Variants in DLG2 observed in about 807,000 individuals in gnomAD.
The protein encoded by DLG2 is disks large homolog 2.
DLG2 carries 45 observed loss-of-function variants against 132.5 expected under a neutral mutation model. The ratio of observed to expected loss-of-function variants is 0.34; its 90% CI spans 0.27 to 0.44. DLG2 has a LOEUF of 0.44. Ranked by LOEUF, DLG2 falls within the 20% of genes least tolerant of loss-of-function variation. DLG2 has a pLI of 1.00. For synonymous variants in DLG2, 424 were observed against 419.6 expected, an observed-to-expected ratio of 1.01 and a Z score of -0.13; for missense variants, 1,045 against 1,196.9, an observed-to-expected ratio of 0.87 and a Z score of 1.87.
chr11:85,222,965 A>G (rs1454510135), intron 4 of DLG2, among the ~76,000 whole-genome samples: 1 of 152,138 alleles, frequency 6.6e-6, no homozygotes, highest in Admixed American at 6.6e-5. Context: ...ATTAGTGGGC[A>G]TTTCAGATTT....
chr11:84,255,654 C>A (rs1366274690), intron 7 of DLG2, among the ~76,000 whole-genome samples: 1 of 152,100 alleles, frequency 6.6e-6, no homozygotes, highest in Non-Finnish European at 1.5e-5. Flanking sequence ...TGGATATCCT[C>A]TTTAATTGGA....
At chr11:84,713,472 C>T (rs1417121605) in intron 6 of DLG2, among the ~76,000 whole-genome samples, 1 of 152,086 alleles carries the variant, frequency 6.6e-6, no homozygotes, top group Non-Finnish European at 1.5e-5. Context: ...ATGTAAATAG[C>T]TGTCTCCTTA....
intron 11 of DLG2, among the ~76,000 whole-genome samples, chr11:84,005,408 A>G (rs1366099040): frequency 1.3e-5 from 2 of 151,920 alleles, no homozygotes; most frequent in Non-Finnish European, 2.9e-5. Context: ...GAAGAAAACA[A>G]AGGGAAAACA....
chr11:85,424,406 A>G (rs186233668), intron 3 of DLG2, among the ~76,000 whole-genome samples: 1 of 152,174 alleles, frequency 6.6e-6, no homozygotes, highest in Non-Finnish European at 1.5e-5. Context: ...CATCCAAGTC[A>G]GAGCTGCAAT....
chr11:84,076,061 C>T (rs2096826609), intron 10 of DLG2, among the ~76,000 whole-genome samples: 12 of 152,190 alleles, frequency 7.9e-5, no homozygotes, highest in Admixed American at 7.9e-4. Flanking sequence ...TTTCCAGAAA[C>T]CTGGTTTCAT....
chr11:84,567,454 TC>T (rs1452157923), intron 6 of DLG2, among the ~76,000 whole-genome samples: 4 of 152,190 alleles, frequency 2.6e-5, no homozygotes, highest in African/African-American at 9.7e-5. Context: ...TATTTGATGA[TC>T]CCTTGATGGA....
chr11:84,995,136 A>G (rs2057510011), intron 6 of DLG2, among the ~76,000 whole-genome samples: 1 of 152,342 alleles, frequency 6.6e-6, no homozygotes, highest in African/African-American at 2.4e-5. Context: ...TAGTCAATTT[A>G]TTTAAGGATG....
At chr11:85,128,699 A>C (rs1449120091) in intron 5 of DLG2, among the ~76,000 whole-genome samples, 1 of 152,154 alleles carries the variant, frequency 6.6e-6, no homozygotes, top group Non-Finnish European at 1.5e-5. Context: ...TTAGTTGTGA[A>C]ACTTATTGGG....
chr11:85,579,471 G>A (rs113337290), intron 3 of DLG2, among the ~76,000 whole-genome samples: 11 of 152,106 alleles, frequency 7.2e-5, no homozygotes, highest in East Asian at 1.9e-4. Flanking sequence ...AAAAGTGAAC[G>A]AAGTGGTATG....
chr11:84,942,050 T>A (rs184076511), intron 6 of DLG2, among the ~76,000 whole-genome samples: 1 of 152,318 alleles, frequency 6.6e-6, no homozygotes, highest in East Asian at 1.9e-4. Flanking sequence ...TAGATGCTCA[T>A]AGTAGTCTCT....
intron 4 of DLG2, among the ~76,000 whole-genome samples, chr11:85,191,209 T>A (rs2080545950): frequency 1.7e-5 from 2 of 116,124 alleles, no homozygotes; most frequent in South Asian, 3.1e-4. Context: ...CACACACGTT[T>A]GGATATATTC....
intron 7 of DLG2, among the ~76,000 whole-genome samples, chr11:84,321,348 C>T (rs950926580): frequency 6.6e-6 from 1 of 152,154 alleles, no homozygotes; most frequent in African/African-American, 2.4e-5. Context: ...CAGAGTAATT[C>T]CTAAAATGCA....
intron 6 of DLG2, among the ~76,000 whole-genome samples, chr11:84,821,421 C>A (rs559760779): frequency 7.3e-5 from 11 of 151,618 alleles, no homozygotes; most frequent in Non-Finnish European, 1.0e-4. Flanking sequence ...AATGAATAAA[C>A]GTGACCATAT....
At chr11:85,397,279 C>A (rs2087490666) in intron 3 of DLG2, among the ~76,000 whole-genome samples, 1 of 152,124 alleles carries the variant, frequency 6.6e-6, no homozygotes, top group Non-Finnish European at 1.5e-5. Context: ...CTGAAGGAAG[C>A]ACCAAACATG....
At chr11:84,504,004 C>T (rs753960593) in intron 7 of DLG2, among the ~76,000 whole-genome samples, 11 of 152,108 alleles carry the variant, frequency 7.2e-5, no homozygotes, top group Non-Finnish European at 7.4e-5. Flanking sequence ...CACTGAAATA[C>T]GGATGTAGAT....
At chr11:84,868,513 T>C (rs929868010) in intron 6 of DLG2, among the ~76,000 whole-genome samples, 4 of 152,140 alleles carry the variant, frequency 2.6e-5, no homozygotes, top group African/African-American at 9.7e-5. Flanking sequence ...AATAACTCCC[T>C]GTAGATTTGG....
chr11:84,157,495 A>G (rs2095453754), intron 9 of DLG2, among the ~76,000 whole-genome samples: 1 of 152,144 alleles, frequency 6.6e-6, no homozygotes, highest in Admixed American at 6.5e-5. Flanking sequence ...CAGTGGCACA[A>G]TCATAGTTCT....
chr11:83,644,450 G>A (rs1018491784), intron 18 of DLG2, among the ~76,000 whole-genome samples: 8 of 152,046 alleles, frequency 5.3e-5, no homozygotes, highest in African/African-American at 1.7e-4. Flanking sequence ...TCATAACTTC[G>A]TTCTCAACAT....
intron 12 of DLG2, among the ~76,000 whole-genome samples, chr11:83,972,676 A>G (rs1423073321): frequency 2.0e-5 from 3 of 152,168 alleles, no homozygotes. Context: ...ACCAAAGGAA[A>G]AGCAATCAAA....
Sources: allele counts gnomAD v4.1 joint callset (sites outside exome capture counted in the v4.1 genomes callset), GRCh38; gene constraint gnomAD v4.1.1; transcripts MANE v1.5; gene names NCBI Gene and HGNC (gene_info 2026-07-23, HGNC 2026-07-21).